The following FAM171A1 variants were observed in gnomAD, a reference collection of about 807,000 sequenced individuals.
FAM171A1 encodes family with sequence similarity 171 member A1.
In FAM171A1, 23 loss-of-function variants were observed where a neutral mutation model predicts 74.9. That is an observed-to-expected ratio of 0.31 (90% CI 0.22 to 0.44). The LOEUF (loss-of-function observed/expected upper bound fraction) is 0.44, where lower values mean the gene tolerates loss of function less well. FAM171A1 is among the 20% of genes least tolerant of loss of function. The pLI, the probability that FAM171A1 is intolerant of heterozygous loss-of-function variation, is 1.00. For synonymous variants in FAM171A1, 527 were observed against 505.7 expected, an observed-to-expected ratio of 1.04 and a Z score of -0.57; for missense variants, 1,162 against 1,159.2, an observed-to-expected ratio of 1.00 and a Z score of -0.03.
At chr10:15,324,998 C>T (rs1013125752) in intron 1 of FAM171A1, among the ~76,000 whole-genome samples, 2 of 152,134 alleles carry the variant, frequency 1.3e-5, no homozygotes, top group Admixed American at 6.5e-5. Flanking sequence ...ACAAGACTTG[C>T]GAAAAGCTAG....
intron 5 of FAM171A1, chr10:15,237,453 T>A (rs1464833747): frequency 1.3e-5 from 2 of 152,214 alleles, no homozygotes; most frequent in African/African-American, 4.8e-5. Flanking sequence ...TTTGAGTTGC[T>A]AGGCAACACT....
intron 5 of FAM171A1, among the ~76,000 whole-genome samples, chr10:15,225,345 C>G (rs1049845848): frequency 2.6e-5 from 4 of 152,198 alleles, no homozygotes; most frequent in Admixed American, 2.0e-4. Context: ...CTGATCATGC[C>G]TGGGATGCTG....
At chr10:15,291,336 T>C (rs11592704) in intron 1 of FAM171A1, among the ~76,000 whole-genome samples, 33,510 of 152,164 alleles carry the variant, frequency 0.22, 3,962 homozygotes, top group Non-Finnish European at 0.28. Flanking sequence ...CTACCTGATA[T>C]AGGGGCCATC....
upstream of FAM171A1, among the ~76,000 whole-genome samples, chr10:15,371,875 G>A (rs1032797841): frequency 6.6e-6 from 1 of 152,208 alleles, no homozygotes; most frequent in South Asian, 2.1e-4. Flanking sequence ...ATAGGTATAA[G>A]CCCTACCATG....
intron 1 of FAM171A1, among the ~76,000 whole-genome samples, chr10:15,295,148 G>A (rs1291733776): frequency 6.6e-6 from 1 of 151,996 alleles, no homozygotes; most frequent in Non-Finnish European, 1.5e-5. Flanking sequence ...ATGTTGGCCA[G>A]ACTGGTCTTG....
At chr10:15,240,687 C>A in intron 5 of FAM171A1, 1 of 983,312 alleles carries the variant, frequency 1.0e-6, no homozygotes, top group Non-Finnish European at 1.2e-6. Flanking sequence ...TCCTGGCAGT[C>A]AAGGATTAAA....
At chr10:15,275,751 T>C (rs1439099861) in intron 3 of FAM171A1, 104 bp downstream of exon 3, 10 of 685,118 alleles carry the variant, frequency 1.5e-5, no homozygotes, top group Non-Finnish European at 2.3e-5. Context: ...ATTTAATCAA[T>C]CCACCTTGTA....
At chr10:15,331,331 G>A (rs1835628678) in intron 1 of FAM171A1, among the ~76,000 whole-genome samples, 2 of 152,152 alleles carry the variant, frequency 1.3e-5, no homozygotes, top group African/African-American at 4.8e-5. Flanking sequence ...CAAAGTCACA[G>A]GACTCAAAAG....
At chr10:15,220,833 G>T in intron 6 of FAM171A1, 111 bp downstream of exon 6, 8 of 770,686 alleles carry the variant, frequency 1.0e-5, no homozygotes, top group South Asian at 3.9e-5. Context: ...AACCATTTTT[G>T]AATAAGATGT....
intron 5 of FAM171A1, among the ~76,000 whole-genome samples, chr10:15,237,115 G>A (rs955164397): frequency 2.0e-5 from 3 of 152,148 alleles, no homozygotes; most frequent in Non-Finnish European, 1.5e-5. Flanking sequence ...GGGAAAGCCC[G>A]CAGGAAGACA....
chr10:15,240,244 C>T (rs904145279), intron 5 of FAM171A1, among the ~76,000 whole-genome samples: 3 of 152,006 alleles, frequency 2.0e-5, no homozygotes, highest in African/African-American at 7.2e-5. Flanking sequence ...ACCTGTAGTC[C>T]CAGCTAGCTG....
At chr10:15,260,774 T>C (rs12355156) in intron 3 of FAM171A1, among the ~76,000 whole-genome samples, 5 of 151,860 alleles carry the variant, frequency 3.3e-5, no homozygotes. Flanking sequence ...TGTTTGGGGG[T>C]GTCCCATGCA....
chr10:15,301,101 GGT>G (rs931837542), intron 1 of FAM171A1, among the ~76,000 whole-genome samples: 2 of 152,064 alleles, frequency 1.3e-5, no homozygotes, highest in Non-Finnish European at 1.5e-5. Context: ...ATTCTCCATG[GGT>G]CTCTTAAGTA....
chr10:15,222,766 C>T (rs555504391), intron 5 of FAM171A1, among the ~76,000 whole-genome samples: 6 of 152,348 alleles, frequency 3.9e-5, no homozygotes, highest in African/African-American at 7.2e-5. Context: ...CCCTGGCAGC[C>T]GCTCCTCTGC....
At chr10:15,292,732 C>T (rs764352532) in intron 1 of FAM171A1, among the ~76,000 whole-genome samples, 48 of 152,092 alleles carry the variant, frequency 3.2e-4, no homozygotes, top group Admixed American at 5.9e-4. Flanking sequence ...GCAATCCACC[C>T]GTCTCGTCCT....
At chr10:15,370,354 C>A (rs1413469374) in intron 1 of FAM171A1, among the ~76,000 whole-genome samples, 1 of 150,056 alleles carries the variant, frequency 6.7e-6, no homozygotes, top group Non-Finnish European at 1.5e-5. Context: ...CTGGAAGAGA[C>A]GTCAGATAGG....
chr10:15,352,927 C>G (rs996511438), intron 1 of FAM171A1, among the ~76,000 whole-genome samples: 1 of 152,180 alleles, frequency 6.6e-6, no homozygotes, highest in African/African-American at 2.4e-5. Flanking sequence ...CATGAAGTCA[C>G]TGAGGGAGGA....
At chr10:15,229,113 G>A (rs1238738999) in intron 5 of FAM171A1, among the ~76,000 whole-genome samples, 1 of 152,200 alleles carries the variant, frequency 6.6e-6, no homozygotes, top group Non-Finnish European at 1.5e-5. Context: ...ATGAAGACGT[G>A]ATTGTCCACA....
intron 1 of FAM171A1, among the ~76,000 whole-genome samples, chr10:15,363,688 A>G (rs1308757636): frequency 6.6e-6 from 1 of 151,576 alleles, no homozygotes; most frequent in Non-Finnish European, 1.5e-5. Context: ...GTCCCATATG[A>G]CTCCACCAAG....
Sources: allele counts gnomAD v4.1 joint callset (sites outside exome capture counted in the v4.1 genomes callset), GRCh38; gene constraint gnomAD v4.1.1; transcripts MANE v1.5; gene names NCBI Gene and HGNC (gene_info 2026-07-23, HGNC 2026-07-21).